The following TUFT1 variants were observed in gnomAD, a reference collection of about 807,000 sequenced individuals.
The protein encoded by TUFT1 is tuftelin 1, also known as tuftelin.
TUFT1 carries 43 observed loss-of-function variants against 57.8 expected under a neutral mutation model. The observed-to-expected ratio is 0.74, with a 90% CI of 0.58 to 0.96. The LOEUF is 0.96. TUFT1 is among the 40% of genes least tolerant of loss of function. TUFT1 has a pLI of 0.00. For missense variants in TUFT1, 459 were observed against 489.0 expected, an observed-to-expected ratio of 0.94 and a Z score of 0.58; for synonymous variants, 166 against 176.7, an observed-to-expected ratio of 0.94 and a Z score of 0.48.
intron 1 of TUFT1, among the ~76,000 whole-genome samples, chr1:151,554,089 A>G (rs1447365389): frequency 6.6e-6 from 1 of 152,212 alleles, no homozygotes; most frequent in East Asian, 1.9e-4. Context: ...GAAAAGTTGC[A>G]AAGTAGTACA....
intron 1 of TUFT1, chr1:151,557,560 G>A: frequency 4.4e-6 from 5 of 1,143,430 alleles, no homozygotes; most frequent in Admixed American, 3.4e-5. Flanking sequence ...AGACAAGGAT[G>A]TGCCCAATCT....
At chr1:151,575,169 A>C (rs1260008678) in intron 9 of TUFT1, among the ~76,000 whole-genome samples, 164 bp downstream of exon 9, 1 of 152,094 alleles carries the variant, frequency 6.6e-6, no homozygotes, top group African/African-American at 2.4e-5. Flanking sequence ...GTGGAGCCCC[A>C]CCCAAGAGAT....
At chr1:151,553,380 C>A (rs1470651126) in intron 1 of TUFT1, among the ~76,000 whole-genome samples, 1 of 152,130 alleles carries the variant, frequency 6.6e-6, no homozygotes, top group Admixed American at 6.6e-5. Context: ...GCCACTGCAC[C>A]CGGCCAGATA....
chr1:151,566,740 C>T (rs988374516), intron 6 of TUFT1, among the ~76,000 whole-genome samples: 5 of 151,926 alleles, frequency 3.3e-5, no homozygotes, highest in Non-Finnish European at 7.4e-5. Flanking sequence ...ATATAATATA[C>T]ATGTGCTTTT....
At chr1:151,573,094 G>A (rs1028445173) in intron 7 of TUFT1, among the ~76,000 whole-genome samples, 4 of 152,074 alleles carry the variant, frequency 2.6e-5, no homozygotes, top group East Asian at 3.8e-4. Context: ...TTAGAAGAAC[G>A]TCAGTTCCAC....
intron 1 of TUFT1, among the ~76,000 whole-genome samples, chr1:151,547,481 G>A (rs933598517): frequency 1.3e-5 from 2 of 152,162 alleles, no homozygotes; most frequent in African/African-American, 2.4e-5. Flanking sequence ...GTTCAGTTGC[G>A]GAAATAGGTA....
intron 6 of TUFT1, among the ~76,000 whole-genome samples, chr1:151,567,358 A>G (rs944795575): frequency 3.3e-5 from 5 of 152,002 alleles, no homozygotes; most frequent in Non-Finnish European, 5.9e-5. Flanking sequence ...GGCAGCCACT[A>G]TAGTGGCTGG....
intron 3 of TUFT1, among the ~76,000 whole-genome samples, chr1:151,563,186 A>T (rs946315262): frequency 2.0e-5 from 3 of 152,116 alleles, no homozygotes; most frequent in African/African-American, 7.2e-5. Flanking sequence ...CACCTGGCTG[A>T]TGGAACTTAT....
Position 151,574,952 on chromosome 1 carries a change from G to T in TUFT1, c.765G>T (p.Val255=). Residue 255 remains valine (V), a synonymous_variant, in exon 9 of 13, where the codon GTG becomes GTT. Coordinates refer to ENST00000368849, the MANE Select transcript of TUFT1 (RefSeq NM_020127.3). ...ALLAKVREGE[V]ALEELRSNNA... is the part of the protein sequence containing the mutation. The stretch of plus-strand genomic sequence containing the variant: ...TGGCGAAAGTGAGGGAAGGGGAGGT[G>T]GCCCTAGAGGAACTTCGGAGCAACA... 1 of 1,578,024 alleles carries T rather than the reference G, an allele frequency of 6.3e-7. No individual in the cohort carries two copies.
intron 10 of TUFT1, 50 bp downstream of exon 10, chr1:151,578,876 A>T: frequency 6.9e-7 from 1 of 1,438,912 alleles, no homozygotes; most frequent in South Asian, 1.2e-5. Flanking sequence ...CCCCAAGTCT[A>T]TGCTCTTATT....
chr1:151,543,118 T>C (rs1300300943), intron 1 of TUFT1, among the ~76,000 whole-genome samples: 1 of 152,170 alleles, frequency 6.6e-6, no homozygotes, highest in Non-Finnish European at 1.5e-5. Flanking sequence ...ATAGGGCCAA[T>C]ACACTCTCTG....
intron 1 of TUFT1, among the ~76,000 whole-genome samples, chr1:151,557,107 TATA>T (rs940148744): frequency 1.3e-5 from 2 of 152,202 alleles, no homozygotes; most frequent in South Asian, 2.1e-4. Context: ...TTTATTCATT[TATA>T]ATGTTTTTGA....
In TUFT1 at chr1:151,581,836, T is replaced by C; in HGVS notation, c.*129T>C. On this transcript the variant is annotated 3_prime_UTR_variant, in exon 13 of 13. Coordinates refer to ENST00000368849, the MANE Select transcript of TUFT1 (RefSeq NM_020127.3). ...GGCTGCACCCAGGACTTCGGGCTCC[T>C]GTGTCTCACCATTCCCAAGCCCCTG... 1.1e-6 allele frequency: 1 copy of C among 945,472 alleles called. No individual in the cohort carries two copies. The allele number at this position is 945,472 out of a possible 1,614,324, so 58.6% of individuals were successfully genotyped here.
intron 1 of TUFT1, among the ~76,000 whole-genome samples, chr1:151,556,797 C>G (rs1450300560): frequency 6.6e-6 from 1 of 152,064 alleles, no homozygotes; most frequent in African/African-American, 2.4e-5. Context: ...TGGTGAAGCC[C>G]CCTCTATATT....
At chr1:151,547,631 G>A (rs1300381904) in intron 1 of TUFT1, among the ~76,000 whole-genome samples, 2 of 152,170 alleles carry the variant, frequency 1.3e-5, no homozygotes, top group Non-Finnish European at 2.9e-5. Context: ...GAGCACAGAA[G>A]CAAAAATCAC....
At chr1:151,567,953 G>A (rs945157149) in intron 6 of TUFT1, among the ~76,000 whole-genome samples, 1 of 152,202 alleles carries the variant, frequency 6.6e-6, no homozygotes, top group African/African-American at 2.4e-5. Context: ...ACAGGAAAGT[G>A]AAAGAAGAAA....
chr1:151,578,646 C>A, intron 9 of TUFT1, 75 bp from the exon 10 acceptor site: 1 of 1,332,654 alleles, frequency 7.5e-7, no homozygotes, highest in Non-Finnish European at 1.0e-6. Flanking sequence ...ACCTCCCAAG[C>A]TCAAGGCTCT....
chr1:151,550,296 G>C (rs1665469077), intron 1 of TUFT1, among the ~76,000 whole-genome samples: 1 of 152,148 alleles, frequency 6.6e-6, no homozygotes, highest in African/African-American at 2.4e-5. Flanking sequence ...GCCTCCCAAA[G>C]TTCTGGGATT....
rs1665754028 is a variant in TUFT1 at position 151,557,780 on chromosome 1, A to AC, written c.61-4309dup. 47 of 765,282 alleles carry AC rather than the reference A, an allele frequency of 6.1e-5. 2 individuals carry two copies. In the South Asian group the frequency reaches 6.2e-4, roughly 10 times the overall value. The allele number at this position is 765,282 out of a possible 1,614,324, so 47.4% of individuals were successfully genotyped here. A position where few individuals can be genotyped will look rare whatever the true frequency, so the allele number is the denominator to read the frequency against. On this transcript the variant is annotated intron_variant, in intron 1 of 12. Coordinates refer to ENST00000368849, the MANE Select transcript of TUFT1 (RefSeq NM_020127.3). The stretch of plus-strand genomic sequence containing the variant: ...AGCCTAAAGGTCTGAAGGGTGAGCG[A>AC]CCTGCAAGACTCACAAGAGGGAAAG...
Sources: gnomAD v4.1 joint callset for allele counts (sites outside exome capture counted in the v4.1 genomes callset) on GRCh38, gnomAD v4.1.1 for gene constraint, MANE v1.5 for transcripts, NCBI Gene and HGNC (gene_info 2026-07-23, HGNC 2026-07-21) for gene names.